CCSER1: variants seen among roughly 807,000 people sequenced by gnomAD.
CCSER1 encodes the protein coiled-coil serine rich protein 1.
A neutral mutation model predicts 82.0 loss-of-function variants in CCSER1; 41 were observed. The observed-to-expected ratio is 0.50, with a 90% CI of 0.39 to 0.65. CCSER1 has a LOEUF of 0.65. Ranked by LOEUF, CCSER1 falls within the 30% of genes least tolerant of loss-of-function variation. The pLI, the probability that CCSER1 is intolerant of heterozygous loss-of-function variation, is 0.00. For missense variants in CCSER1, 1,119 were observed against 1,064.2 expected (o/e 1.05, Z -0.72); for synonymous variants, 414 against 383.9 (o/e 1.08, Z -0.92).
intron 7 of CCSER1, among the ~76,000 whole-genome samples, chr4:90,813,643 T>A (rs1219364122): frequency 1.3e-5 from 2 of 152,152 alleles, no homozygotes; most frequent in Non-Finnish European, 1.5e-5. Context: ...TTCTTCCTCA[T>A]TTTCTCTTGC....
chr4:91,153,003 C>G (rs1349555670), intron 10 of CCSER1, among the ~76,000 whole-genome samples: 1 of 151,904 alleles, frequency 6.6e-6, no homozygotes, highest in East Asian at 1.9e-4. Flanking sequence ...AGTTGCTCTT[C>G]TCAAGGAGTA....
At position 91,496,564 on chromosome 4, in the gene CCSER1, G is replaced by GTATATATA. The variant is rs367939121; in HGVS notation, c.2218-101993_2218-101986dup. Among the ~76,000 whole-genome samples, 155 of 17,634 alleles carry GTATATATA rather than the reference G, an allele frequency of 8.8e-3. 18 individuals carry two copies. Among genetic ancestry groups the GTATATATA allele is most frequent in the Non-Finnish European group, 0.017 (113 of 6,672 alleles). The allele number at this position is 17,634 out of a possible 152,430, so 11.6% of individuals were successfully genotyped here. On this transcript the variant is annotated intron_variant, in intron 10 of 10. Transcript: ENST00000509176. The stretch of plus-strand genomic sequence containing the variant: ...GAGTGGTATAGTTGGCATAAATCTT[G>GTATATATA]TATATATATATATATATATATACAC...
At chr4:91,304,124 C>A (rs903179935) in intron 10 of CCSER1, among the ~76,000 whole-genome samples, 1 of 151,860 alleles carries the variant, frequency 6.6e-6, no homozygotes, top group African/African-American at 2.4e-5. Flanking sequence ...AGTGATCTTG[C>A]CGACTAAATT....
At chr4:90,289,422 T>C (rs1025754866) in intron 1 of CCSER1, among the ~76,000 whole-genome samples, 3 of 151,874 alleles carry the variant, frequency 2.0e-5, no homozygotes, top group Admixed American at 2.0e-4. Flanking sequence ...GTGAGCAACA[T>C]CAAATTGTTC....
chr4:90,383,971 C>T (rs572989239), intron 3 of CCSER1, among the ~76,000 whole-genome samples: 3 of 151,214 alleles, frequency 2.0e-5, no homozygotes, highest in African/African-American at 7.3e-5. Context: ...CTATGTTGTC[C>T]AGGCTGCGCT....
At chr4:90,512,885 A>G (rs1164790142) in intron 5 of CCSER1, among the ~76,000 whole-genome samples, 1 of 152,264 alleles carries the variant, frequency 6.6e-6, no homozygotes, top group African/African-American at 2.4e-5. Context: ...CTGGACAAAT[A>G]ACACATTTAT....
intron 9 of CCSER1, among the ~76,000 whole-genome samples, chr4:90,967,728 C>A (rs548346843): frequency 1.6e-4 from 24 of 151,958 alleles, no homozygotes; most frequent in Non-Finnish European, 3.2e-4. Flanking sequence ...ATTTGTTCTT[C>A]GAGTTGATGC....
chr4:90,268,759 A>G (rs147477260), intron 1 of CCSER1, among the ~76,000 whole-genome samples: 115 of 152,274 alleles, frequency 7.6e-4, no homozygotes, highest in Non-Finnish European at 1.2e-3. Context: ...GAGTTGGTCA[A>G]TGAATGAAAA....
intron 5 of CCSER1, among the ~76,000 whole-genome samples, chr4:90,473,961 T>G (rs1764732535): frequency 6.6e-6 from 1 of 152,118 alleles, no homozygotes; most frequent in East Asian, 1.9e-4. Flanking sequence ...GAAAAGCAGG[T>G]GAAATCCCTT....
At chr4:91,449,862 G>T (rs1047394428) in intron 10 of CCSER1, among the ~76,000 whole-genome samples, 3 of 152,064 alleles carry the variant, frequency 2.0e-5, no homozygotes, top group Admixed American at 1.3e-4. Context: ...GCTGAATAAA[G>T]TATATAACTT....
intron 8 of CCSER1, among the ~76,000 whole-genome samples, chr4:90,831,721 A>AT (rs1443085222): frequency 6.6e-6 from 1 of 152,190 alleles, no homozygotes; most frequent in African/African-American, 2.4e-5. Flanking sequence ...TTACTTGCAT[A>AT]TCATTTTTTT....
chr4:90,309,675 T>G, intron 2 of CCSER1, 67 bp downstream of exon 2: 1 of 1,235,860 alleles, frequency 8.1e-7, no homozygotes, highest in Non-Finnish European at 1.1e-6. Flanking sequence ...TTCAGTTTTC[T>G]TATTCCATCT....
intron 7 of CCSER1, among the ~76,000 whole-genome samples, chr4:90,783,160 G>A (rs1276630762): frequency 1.3e-5 from 2 of 152,104 alleles, no homozygotes; most frequent in Non-Finnish European, 2.9e-5. Context: ...CAGGCTGGGG[G>A]ATTTCTGGTT....
intron 9 of CCSER1, among the ~76,000 whole-genome samples, chr4:90,973,257 G>A (rs1022509818): frequency 6.6e-6 from 1 of 151,692 alleles, no homozygotes; most frequent in Non-Finnish European, 1.5e-5. Flanking sequence ...GAAAATGTTT[G>A]CAAGCTATCC....
intron 10 of CCSER1, among the ~76,000 whole-genome samples, chr4:91,500,885 A>C (rs1463948577): frequency 6.6e-6 from 1 of 152,000 alleles, no homozygotes; most frequent in Non-Finnish European, 1.5e-5. Flanking sequence ...TATGTTAGGT[A>C]CTTACCCAGT....
intron 10 of CCSER1, among the ~76,000 whole-genome samples, chr4:91,089,326 T>G (rs1340913861): frequency 6.6e-6 from 1 of 152,248 alleles, no homozygotes; most frequent in African/African-American, 2.4e-5. Flanking sequence ...GGTTGAATTT[T>G]AACTATCAGG....
At chr4:91,100,106 G>GA (rs1561548402) in intron 10 of CCSER1, among the ~76,000 whole-genome samples, 1 of 151,886 alleles carries the variant, frequency 6.6e-6, no homozygotes, top group Non-Finnish European at 1.5e-5. Flanking sequence ...ACAATATATA[G>GA]AGTTAAATAA....
chr4:90,190,151 T>G (rs1735358592), intron 1 of CCSER1, among the ~76,000 whole-genome samples: 2 of 152,060 alleles, frequency 1.3e-5, no homozygotes, highest in Admixed American at 1.3e-4. Context: ...AAATGCCATG[T>G]GACTTAGCAG....
At chr4:90,811,978 A>G (rs1758386438) in intron 7 of CCSER1, among the ~76,000 whole-genome samples, 1 of 139,034 alleles carries the variant, frequency 7.2e-6, no homozygotes, top group South Asian at 2.2e-4. Context: ...ACATATATAT[A>G]TATATATATA....
Sources: allele counts gnomAD v4.1 joint callset (sites outside exome capture counted in the v4.1 genomes callset), GRCh38; gene constraint gnomAD v4.1.1; transcripts MANE v1.5; gene names NCBI Gene and HGNC (gene_info 2026-07-23, HGNC 2026-07-21).